Variants in KIF25 observed in about 807,000 individuals in gnomAD.
KIF25 encodes kinesin-like protein KIF25.
A neutral mutation model predicts 32.9 loss-of-function variants in KIF25; 19 were observed. The ratio of observed to expected loss-of-function variants is 0.58; its 90% CI spans 0.40 to 0.85. The LOEUF (loss-of-function observed/expected upper bound fraction) is 0.85, where lower values mean the gene tolerates loss of function less well. KIF25 is among the 40% of genes least tolerant of loss of function. The probability of loss-of-function intolerance (pLI) is 0.00; values close to 1 mark genes in which losing one functional copy is unlikely to be tolerated. For synonymous variants in KIF25, 225 were observed against 213.7 expected (o/e 1.05, Z -0.46); for missense variants, 485 against 507.0 (o/e 0.96, Z 0.42).
chr6:168,029,794 A>G, intron 6 of KIF25, 117 bp downstream of exon 6: 1 of 1,324,472 alleles, frequency 7.6e-7, no homozygotes, highest in Non-Finnish European at 1.0e-6. Flanking sequence ...CTGAGTGAAA[A>G]GTTAAAAAAG....
intron 5 of KIF25, among the ~76,000 whole-genome samples, chr6:168,025,478 A>T (rs949839991): frequency 2.0e-5 from 3 of 152,038 alleles, no homozygotes; most frequent in Admixed American, 2.0e-4. Flanking sequence ...TGTGTTTAAA[A>T]TCGTGGCTTG....
chr6:168,014,310 G>A (rs572361150), intron 4 of KIF25, among the ~76,000 whole-genome samples: 73 of 152,298 alleles, frequency 4.8e-4, no homozygotes, highest in African/African-American at 1.7e-3. Context: ...ATCACTGTTT[G>A]TTGTTACTGT....
At chr6:168,044,723 G>A (rs751831649) in intron 12 of KIF25, 104 bp from the exon 13 acceptor site, 86 of 1,206,890 alleles carry the variant, frequency 7.1e-5, no homozygotes, top group South Asian at 5.5e-4. Flanking sequence ...GGCGCCGGGC[G>A]GCCCTCTCTG....
intron 5 of KIF25, among the ~76,000 whole-genome samples, chr6:168,022,749 T>C (rs996881146): frequency 5.3e-5 from 8 of 151,506 alleles, no homozygotes; most frequent in African/African-American, 1.2e-4. Context: ...AGGAGTTTTT[T>C]TGATTGTTTG....
At chr6:168,039,168 G>GT (rs1279647608) in intron 9 of KIF25, among the ~76,000 whole-genome samples, 1 of 152,034 alleles carries the variant, frequency 6.6e-6, no homozygotes, top group African/African-American at 2.4e-5. Flanking sequence ...ATAAATAAAT[G>GT]TATCTTTAAA....
rs892217215 is a variant in KIF25, at chr6:168,034,177, A to G, written c.317+146A>G. On this transcript the variant is annotated intron_variant, in intron 8 of 12. Coordinates refer to ENST00000643607, the MANE Select transcript of KIF25 (RefSeq NM_030615.4). Reference sequence around the variant, plus strand: ...CTCATCAGATACATTCAACACTATGAAGTGCTTTCATACTTCTGGGCATTA... The same window carrying G: ...CTCATCAGATACATTCAACACTATGGAGTGCTTTCATACTTCTGGGCATTA... The G allele has an allele frequency of 1.8e-5, 14 of 765,370 alleles. No homozygotes were observed. The Admixed American group carries it at 3.9e-4, about 21-fold the overall frequency. The allele number at this position is 765,370 out of a possible 1,614,324, so 47.4% of individuals were successfully genotyped here. A position where few individuals can be genotyped will look rare whatever the true frequency, so the allele number is the denominator to read the frequency against.
chr6:168,030,747 T>C (rs1210989064), intron 6 of KIF25, 26 bp from the exon 7 acceptor site: 4 of 1,593,316 alleles, frequency 2.5e-6, no homozygotes, highest in Non-Finnish European at 3.4e-6. Flanking sequence ...CTTCTATTAA[T>C]ACAGCATTTT....
intron 4 of KIF25, among the ~76,000 whole-genome samples, chr6:168,016,068 G>A (rs145921990): frequency 3.3e-4 from 50 of 152,272 alleles, no homozygotes; most frequent in Admixed American, 2.2e-3. Context: ...AACGGTCCCC[G>A]AAGTGGACAG....
intron 8 of KIF25, 21 bp downstream of exon 8, chr6:168,034,052 T>C (rs1170414065): frequency 6.2e-6 from 10 of 1,613,110 alleles, no homozygotes; most frequent in Non-Finnish European, 8.5e-6. Context: ...TGGTGATGAG[T>C]GGGGCAGAGA....
intron 7 of KIF25, among the ~76,000 whole-genome samples, 198 bp from the exon 8 acceptor site, chr6:168,033,684 C>T (rs547103743): frequency 2.6e-5 from 4 of 152,002 alleles, no homozygotes; most frequent in East Asian, 3.9e-4. Context: ...AATCCAATGT[C>T]GTACAACAAG....
intron 4 of KIF25, among the ~76,000 whole-genome samples, chr6:168,008,837 G>A (rs1404853517): frequency 2.0e-5 from 3 of 151,922 alleles, no homozygotes; most frequent in Non-Finnish European, 2.9e-5. Flanking sequence ...TGCAGCTATT[G>A]TATATAAATG....
chr6:168,032,743 G>A (rs542517714), intron 7 of KIF25, among the ~76,000 whole-genome samples: 2 of 152,266 alleles, frequency 1.3e-5, no homozygotes, highest in South Asian at 2.1e-4. Context: ...ACGTTAAACC[G>A]GTATTGATAC....
intron 4 of KIF25, among the ~76,000 whole-genome samples, chr6:168,011,244 G>A (rs1798643601): frequency 6.6e-6 from 1 of 152,070 alleles, no homozygotes; most frequent in African/African-American, 2.4e-5. Flanking sequence ...TCTGTAGTGA[G>A]TCTGATTCCT....
chr6:168,043,415 T>C (rs1799161557), intron 12 of KIF25, among the ~76,000 whole-genome samples: 2 of 152,096 alleles, frequency 1.3e-5, no homozygotes, highest in South Asian at 4.1e-4. Flanking sequence ...GTCGGGGGGC[T>C]CCTCCTTCCT....
intron 8 of KIF25, among the ~76,000 whole-genome samples, chr6:168,037,547 T>A (rs1799041253): frequency 6.6e-6 from 1 of 152,184 alleles, no homozygotes; most frequent in Non-Finnish European, 1.5e-5. Flanking sequence ...AGGGGAGTTT[T>A]GTCAGAGACA....
At chr6:168,030,609 G>T in intron 6 of KIF25, 164 bp from the exon 7 acceptor site, 3 of 522,358 alleles carry the variant, frequency 5.7e-6, no homozygotes, top group Admixed American at 3.8e-5. Flanking sequence ...ATTAACCTCT[G>T]TTATCTTGAA....
At position 168,002,339 on chromosome 6, in the gene KIF25, G is replaced by A. The variant is rs556245277; in HGVS notation, c.-369-204G>A. The stretch of plus-strand genomic sequence containing the variant: ...CTGAGGCGTGGCCTCGGGCAGGTGA[G>A]AAGACACCTGAGGCGTGGCCTTGGG... On this transcript the variant is annotated intron_variant, in intron 2 of 12. Transcript: ENST00000643607. Among the ~76,000 whole-genome samples, 8 of 148,196 alleles carry A rather than the reference G, an allele frequency of 5.4e-5. No individual in the cohort carries two copies. In the South Asian group the frequency reaches 1.7e-3, roughly 32 times the overall value.
intron 4 of KIF25, among the ~76,000 whole-genome samples, chr6:168,014,652 G>A (rs1311517551): frequency 1.3e-5 from 2 of 152,132 alleles, no homozygotes; most frequent in East Asian, 1.9e-4. Flanking sequence ...GTGTAACACG[G>A]CACTTCATTT....
intron 4 of KIF25, among the ~76,000 whole-genome samples, chr6:168,015,189 T>A (rs1259221672): frequency 1.3e-5 from 2 of 152,136 alleles, no homozygotes; most frequent in Admixed American, 6.5e-5. Flanking sequence ...GCACGGAGCT[T>A]GTAGATGTGC....
Sources: allele counts gnomAD v4.1 joint callset (sites outside exome capture counted in the v4.1 genomes callset), GRCh38; gene constraint gnomAD v4.1.1; transcripts MANE v1.5; gene names NCBI Gene and HGNC (gene_info 2026-07-23, HGNC 2026-07-21).